EHMT1: variants seen among roughly 807,000 people sequenced by gnomAD.
EHMT1 encodes the protein euchromatic histone lysine methyltransferase 1, also known as histone-lysine N-methyltransferase EHMT1.
In EHMT1, 15 loss-of-function variants were observed where a neutral mutation model predicts 147.2. That is an observed-to-expected ratio of 0.10 (90% confidence interval 0.07 to 0.16). EHMT1 has a LOEUF of 0.16. Among genes scored for constraint, EHMT1 ranks in the 10% least tolerant of loss-of-function variants. The pLI is 1.00. For missense variants in EHMT1, 1,587 were observed against 1,772.4 expected (o/e 0.90, Z 1.88); for synonymous variants, 795 against 709.6 (o/e 1.12, Z -1.91).
At chr9:137,704,301 T>C (rs1020912667) in intron 1 of EHMT1, among the ~76,000 whole-genome samples, 7 of 152,164 alleles carry the variant, frequency 4.6e-5, no homozygotes, top group African/African-American at 1.4e-4. Flanking sequence ...GGGGAATGTG[T>C]GGGAGGAAGG....
At chr9:137,825,547 G>C (rs1376676488) in intron 25 of EHMT1, among the ~76,000 whole-genome samples, 1 of 152,178 alleles carries the variant, frequency 6.6e-6, no homozygotes, top group Non-Finnish European at 1.5e-5. Flanking sequence ...TCTTGGGTGG[G>C]AGGGCAAGTG....
chr9:137,780,333 G>A (rs1951312730), intron 14 of EHMT1, among the ~76,000 whole-genome samples: 2 of 130,150 alleles, frequency 1.5e-5, no homozygotes, highest in African/African-American at 6.1e-5. Flanking sequence ...TCACTGAGAT[G>A]TGTGGTGATG....
chr9:137,672,128 T>TAGAGGGCGTGCGCC (rs1186664190), intron 1 of EHMT1, among the ~76,000 whole-genome samples: 7 of 152,192 alleles, frequency 4.6e-5, no homozygotes. Context: ...GATAGTGCCA[T>TAGAGGGCGTGCGCC]AGAGGGCGTG....
intron 14 of EHMT1, among the ~76,000 whole-genome samples, chr9:137,780,985 T>TGTGTGGTGATGACGCC (rs1951420695): frequency 3.2e-5 from 1 of 31,086 alleles, no homozygotes; most frequent in African/African-American, 8.7e-5. Flanking sequence ...GTGATGACGC[T>TGTGTGGTGATGACGCC]GGGATGTGTG....
At chr9:137,777,765 C>T (rs1171088344) in intron 12 of EHMT1, 117 bp from the exon 13 acceptor site, 22 of 1,437,332 alleles carry the variant, frequency 1.5e-5, no homozygotes, top group African/African-American at 2.8e-5. Flanking sequence ...AGGGACTAAG[C>T]GGACAGTAAG....
chr9:137,814,635 T>C (rs956898730), intron 22 of EHMT1, 127 bp downstream of exon 22: 13 of 1,108,286 alleles, frequency 1.2e-5, no homozygotes, highest in Non-Finnish European at 1.5e-5. Flanking sequence ...GGAGGTGAGC[T>C]GGGTGTGACA....
At chr9:137,683,172 A>G (rs1942122288) in intron 1 of EHMT1, among the ~76,000 whole-genome samples, 1 of 152,240 alleles carries the variant, frequency 6.6e-6, no homozygotes, top group South Asian at 2.1e-4. Context: ...AATCATCAGT[A>G]AAGCTGCTAC....
intron 1 of EHMT1, chr9:137,641,315 C>A: frequency 4.3e-6 from 2 of 465,974 alleles, no homozygotes; most frequent in South Asian, 3.4e-5. Context: ...TCATGACTCT[C>A]ATTCAGATGA....
intron 10 of EHMT1, among the ~76,000 whole-genome samples, chr9:137,767,335 G>A (rs776638205): frequency 1.3e-5 from 2 of 152,204 alleles, no homozygotes; most frequent in Admixed American, 6.5e-5. Context: ...TTCAGCCAAC[G>A]ATGGACTGTA....
chr9:137,796,885 C>A (rs1444326071), intron 16 of EHMT1, among the ~76,000 whole-genome samples: 1 of 151,632 alleles, frequency 6.6e-6, no homozygotes, highest in Non-Finnish European at 1.5e-5. Flanking sequence ...ACTGACGGGG[C>A]GGGACATAGA....
At chr9:137,677,656 A>G (rs933431241) in intron 1 of EHMT1, among the ~76,000 whole-genome samples, 1 of 151,994 alleles carries the variant, frequency 6.6e-6, no homozygotes, top group Non-Finnish European at 1.5e-5. Context: ...ATTTTTAATG[A>G]AGGGGGTACA....
At chr9:137,684,991 T>C (rs748415910) in intron 1 of EHMT1, among the ~76,000 whole-genome samples, 2 of 152,224 alleles carry the variant, frequency 1.3e-5, no homozygotes, top group Admixed American at 1.3e-4. Flanking sequence ...ATTGGTCTCA[T>C]AGCCACAAAT....
In EHMT1 at chr9:137,717,113, C is replaced by T. The variant is rs760636953; in HGVS notation, c.573C>T (p.Leu191=). 4 of 1,612,432 alleles carry T rather than the reference C, an allele frequency of 2.5e-6. No individual in the cohort carries two copies. Among genetic ancestry groups the T allele is most frequent in the African/African-American group, 2.7e-5 (2 of 74,938 alleles). ...EGSADTEDRK[L]PAPGADVKVH... Reference sequence around the variant, plus strand: ...GTGCTGACACAGAGGACAGGAAGCTCCCGGCCCCTGGCGCCGACGTCAAGG... The same window carrying T: ...GTGCTGACACAGAGGACAGGAAGCTTCCGGCCCCTGGCGCCGACGTCAAGG... The change falls in exon 3 of 27, where the codon CTC becomes CTT. Residue 191 remains leucine (L), a synonymous_variant. Coordinates refer to ENST00000460843, the MANE Select transcript of EHMT1 (RefSeq NM_024757.5).
intron 1 of EHMT1, among the ~76,000 whole-genome samples, chr9:137,644,155 A>G (rs897494228): frequency 1.6e-4 from 25 of 152,166 alleles, no homozygotes; most frequent in African/African-American, 4.6e-4. Flanking sequence ...GAGCAGCACT[A>G]TGGCCCACCA....
chr9:137,805,569 C>T (rs1261899715), intron 18 of EHMT1, among the ~76,000 whole-genome samples: 3 of 152,230 alleles, frequency 2.0e-5, no homozygotes, highest in Non-Finnish European at 4.4e-5. Flanking sequence ...TTTTCTCCTC[C>T]CAAACTTGAT....
intron 15 of EHMT1, among the ~76,000 whole-genome samples, chr9:137,789,485 A>C (rs1043243098): frequency 6.6e-6 from 1 of 152,092 alleles, no homozygotes; most frequent in Non-Finnish European, 1.5e-5. Context: ...TAAGCTTACT[A>C]TTCGTTAAAA....
rs765227211 is a variant in EHMT1 at position 137,816,071 on chromosome 9, C to T, written c.3374+9C>T. ...GTACAGAATGGTCTCAGGTGAGAGGCAGCTTCCTGCCGGAGCCCCACATTC... is the reference window on the plus strand; with the variant it reads ...GTACAGAATGGTCTCAGGTGAGAGGTAGCTTCCTGCCGGAGCCCCACATTC... On this transcript the variant is annotated intron_variant, in intron 23 of 26. Transcript: ENST00000460843. 1.2e-6 allele frequency: 2 copies of T among 1,604,968 alleles called. No individual in the cohort carries two copies. The highest frequency in any genetic ancestry group is 3.3e-4 in the Middle Eastern group (2 of 6,056).
intron 1 of EHMT1, among the ~76,000 whole-genome samples, chr9:137,680,039 C>T (rs181705468): frequency 1.1e-3 from 161 of 152,246 alleles, no homozygotes; most frequent in Non-Finnish European, 1.9e-3. Context: ...TGAAATGCCT[C>T]TACGTTGTAT....
chr9:137,639,439 T>A (rs1844323868), intron 1 of EHMT1, among the ~76,000 whole-genome samples: 1 of 152,222 alleles, frequency 6.6e-6, no homozygotes, highest in Admixed American at 6.5e-5. Context: ...ACTGTCGAAT[T>A]TTACATTTTC....
Sources: allele counts gnomAD v4.1 joint callset (sites outside exome capture counted in the v4.1 genomes callset), GRCh38; gene constraint gnomAD v4.1.1; transcripts MANE v1.5; gene names NCBI Gene and HGNC (gene_info 2026-07-23, HGNC 2026-07-21).